The following CHRM3 variants were observed in gnomAD, a reference collection of about 807,000 sequenced individuals.
The protein encoded by CHRM3 is muscarinic acetylcholine receptor M3.
In CHRM3, 11 loss-of-function variants were observed where a neutral mutation model predicts 41.8. The ratio of observed to expected loss-of-function variants is 0.26; its 90% CI spans 0.17 to 0.44. The LOEUF (loss-of-function observed/expected upper bound fraction) is 0.44, where lower values mean the gene tolerates loss of function less well. CHRM3 is among the 20% of genes least tolerant of loss of function. CHRM3 has a pLI of 1.00. For synonymous variants in CHRM3, 297 were observed against 301.4 expected, an observed-to-expected ratio of 0.99 and a Z score of 0.15; for missense variants, 571 against 745.4, an observed-to-expected ratio of 0.77 and a Z score of 2.72.
At chr1:239,800,617 T>A (rs1670136603) in intron 5 of CHRM3, among the ~76,000 whole-genome samples, 1 of 152,182 alleles carries the variant, frequency 6.6e-6, no homozygotes, top group African/African-American at 2.4e-5. Context: ...AACGTCCAAG[T>A]CCAAGGAGAT....
chr1:239,531,368 T>C (rs1168275288), intron 2 of CHRM3, among the ~76,000 whole-genome samples: 1 of 152,110 alleles, frequency 6.6e-6, no homozygotes, highest in Non-Finnish European at 1.5e-5. Context: ...GGCCAGGAAT[T>C]TTACTTAGCA....
intron 1 of CHRM3, among the ~76,000 whole-genome samples, chr1:239,444,455 G>A (rs889426396): frequency 1.1e-4 from 16 of 152,148 alleles, no homozygotes; most frequent in Non-Finnish European, 1.9e-4. Flanking sequence ...ATTTATTAAA[G>A]AGGAAGCAAT....
intron 5 of CHRM3, among the ~76,000 whole-genome samples, chr1:239,747,751 G>A (rs1665493060): frequency 6.6e-6 from 1 of 152,162 alleles, no homozygotes; most frequent in Non-Finnish European, 1.5e-5. Context: ...AGATGCTTAG[G>A]CCGGGTGCTG....
At chr1:239,734,511 C>T (rs625355) in intron 5 of CHRM3, among the ~76,000 whole-genome samples, 146,411 of 152,218 alleles carry the variant, frequency 0.96, 70,688 homozygotes, top group Middle Eastern at 1. Context: ...TGAAAACTGT[C>T]AAATAAAAGA....
At chr1:239,728,329 AC>A (rs1299746666) in intron 5 of CHRM3, among the ~76,000 whole-genome samples, 1 of 152,012 alleles carries the variant, frequency 6.6e-6, no homozygotes, top group Non-Finnish European at 1.5e-5. Flanking sequence ...GGGCAAAAAT[AC>A]CTGCTTTGTA....
intron 2 of CHRM3, among the ~76,000 whole-genome samples, chr1:239,499,631 G>T (rs563585137): frequency 1.3e-5 from 2 of 152,232 alleles, no homozygotes; most frequent in East Asian, 3.9e-4. Flanking sequence ...CCATCAGGAG[G>T]TAGAAATCCG....
intron 5 of CHRM3, among the ~76,000 whole-genome samples, chr1:239,693,928 G>A (rs1659942651): frequency 6.6e-6 from 1 of 152,130 alleles, no homozygotes; most frequent in Non-Finnish European, 1.5e-5. Flanking sequence ...TAAAAGATAT[G>A]TTAGCCTCTG....
intron 6 of CHRM3, among the ~76,000 whole-genome samples, chr1:239,827,956 C>T (rs929458990): frequency 6.6e-6 from 1 of 152,064 alleles, no homozygotes; most frequent in Non-Finnish European, 1.5e-5. Flanking sequence ...TTTTCTAACA[C>T]CTAGGAGACA....
chr1:239,584,511 T>A (rs1160919289), intron 3 of CHRM3, among the ~76,000 whole-genome samples: 3 of 152,220 alleles, frequency 2.0e-5, no homozygotes, highest in Non-Finnish European at 2.9e-5. Flanking sequence ...TTTTATAGCT[T>A]TGTTAAACTA....
At chr1:239,404,728 A>ATATATATATATATATATATATAT (rs1660449362) in intron 1 of CHRM3, among the ~76,000 whole-genome samples, 1 of 130,268 alleles carries the variant, frequency 7.7e-6, no homozygotes, top group African/African-American at 2.9e-5. Flanking sequence ...AAATATATAT[A>ATATATATATATATATATATATAT]TATATATATA....
intron 4 of CHRM3, among the ~76,000 whole-genome samples, chr1:239,675,152 G>A (rs1026633140): frequency 6.6e-6 from 1 of 152,094 alleles, no homozygotes; most frequent in Non-Finnish European, 1.5e-5. Flanking sequence ...AAATCACTGA[G>A]GTCACTTCTG....
At chr1:239,544,747 C>A (rs1282495675) in intron 2 of CHRM3, among the ~76,000 whole-genome samples, 1 of 152,128 alleles carries the variant, frequency 6.6e-6, no homozygotes, top group East Asian at 1.9e-4. Flanking sequence ...CATACAAAGA[C>A]GAGTAGAATA....
At chr1:239,570,461 TC>T (rs1287775009) in intron 3 of CHRM3, among the ~76,000 whole-genome samples, 2 of 152,198 alleles carry the variant, frequency 1.3e-5, no homozygotes, top group Non-Finnish European at 2.9e-5. Context: ...GCCCTTGCTC[TC>T]CCTGGTGGAA....
chr1:239,860,032 A>G (rs1675507442), intron 6 of CHRM3, among the ~76,000 whole-genome samples: 2 of 152,078 alleles, frequency 1.3e-5, no homozygotes, highest in African/African-American at 4.8e-5. Flanking sequence ...AGAGAACCCG[A>G]CAGTCGGCTG....
chr1:239,515,053 A>G (rs2148223110), intron 2 of CHRM3, among the ~76,000 whole-genome samples: 1 of 152,256 alleles, frequency 6.6e-6, no homozygotes, highest in Middle Eastern at 3.4e-3. Flanking sequence ...TGTAGAAATA[A>G]CAGAAATATA....
At position 239,909,536 on chromosome 1, in the gene CHRM3, T is replaced by C. The variant is rs1229292737; in HGVS notation, c.*312T>C. The C allele has an allele frequency of 4.0e-6, 1 of 252,512 alleles. No individual in the cohort carries two copies. The highest frequency in any genetic ancestry group is 8.1e-6 in the Non-Finnish European group (1 of 122,864). The allele number at this position is 252,512 out of a possible 1,614,324, so 15.6% of individuals were successfully genotyped here. A position where few individuals can be genotyped will look rare whatever the true frequency, so the allele number is the denominator to read the frequency against. On this transcript the variant is annotated 3_prime_UTR_variant, in exon 7 of 7. Coordinates refer to ENST00000676153, the MANE Select transcript of CHRM3 (RefSeq NM_001375978.1). Reference sequence around the variant, plus strand: ...GACGGCAATTATATACCCAAAGTGATTTGCCTGGGTCCTTTAATTCCCATT... The same window carrying C: ...GACGGCAATTATATACCCAAAGTGACTTGCCTGGGTCCTTTAATTCCCATT...
Position 239,724,778 on chromosome 1 carries a change from A to C in CHRM3, c.-147+46490A>C, listed in dbSNP as rs114027425. On this transcript the variant is annotated intron_variant, in intron 5 of 6. Transcript: ENST00000676153. ...TTCCAATGTTTTACCAAATTATTGA[A>C]GCTAGAAATTCTAATTGCCAGCTCT... Among the ~76,000 whole-genome samples the C allele has an allele frequency of 2.9e-3, 443 of 151,992 alleles. 2 individuals carry two copies. Among genetic ancestry groups the C allele is most frequent in the Middle Eastern group, 3.4e-3 (1 of 294 alleles).
At chr1:239,852,918 T>C (rs566451530) in intron 6 of CHRM3, among the ~76,000 whole-genome samples, 115 of 152,248 alleles carry the variant, frequency 7.6e-4, no homozygotes, top group African/African-American at 2.7e-3. Context: ...GTTTACGTCT[T>C]TGTTTTCTCT....
At chr1:239,665,970 A>T (rs540551185) in intron 4 of CHRM3, among the ~76,000 whole-genome samples, 1 of 152,182 alleles carries the variant, frequency 6.6e-6, no homozygotes, top group African/African-American at 2.4e-5. Context: ...TAGTGCTGCA[A>T]TAAACATACA....
Sources: allele counts gnomAD v4.1 joint callset (sites outside exome capture counted in the v4.1 genomes callset), GRCh38; gene constraint gnomAD v4.1.1; transcripts MANE v1.5; gene names NCBI Gene and HGNC (gene_info 2026-07-23, HGNC 2026-07-21).